Variants in WNK1 observed in about 807,000 individuals in gnomAD.
The protein encoded by WNK1 is WNK lysine deficient protein kinase 1.
Under a neutral mutation model 222.8 loss-of-function variants are expected in WNK1, and 38 were observed. The observed-to-expected ratio is 0.17, with a 90% CI of 0.13 to 0.22. The LOEUF (loss-of-function observed/expected upper bound fraction) is 0.22, where lower values mean the gene tolerates loss of function less well. Ranked by LOEUF, WNK1 falls within the 10% of genes least tolerant of loss-of-function variation. The pLI is 1.00. For missense variants in WNK1, 2,348 were observed against 2,918.4 expected (o/e 0.80, Z 4.50); for synonymous variants, 1,090 against 1,092.9 (o/e 1.00, Z 0.05).
At chr12:796,511 G>A (rs1198318724) in intron 1 of WNK1, among the ~76,000 whole-genome samples, 2 of 152,136 alleles carry the variant, frequency 1.3e-5, no homozygotes, top group African/African-American at 4.8e-5. Flanking sequence ...TGAAACCTCA[G>A]GTGATCCACC....
rs574680900 is a variant in WNK1, at chr12:825,079, A to G, written c.933-1963A>G. Among the ~76,000 whole-genome samples the G allele has an allele frequency of 3.9e-5, 6 of 152,308 alleles. No homozygotes were observed. In the East Asian group the frequency reaches 1.2e-3, roughly 29 times the overall value. ...CAGCATCAGGATAGAATAAATTATTATTGTACGATTGAATGAGTTTTGACA... is the reference window on the plus strand; with the variant it reads ...CAGCATCAGGATAGAATAAATTATTGTTGTACGATTGAATGAGTTTTGACA... On this transcript the variant is annotated intron_variant, in intron 2 of 27. Transcript: ENST00000315939.
rs1953545694 is a variant in WNK1, at chr12:885,231, C to G, written c.4427C>G (p.Ser1476Cys). The change falls in exon 19 of 28, where the codon TCT becomes TGT. Residue 1476 changes from serine (S) to cysteine (C), a missense_variant. This residue lies in a region of WNK1 where 1,144 missense variants were observed against 1,273.6 expected (regional missense o/e 0.90). Transcript: ENST00000315939. ...GGTCCTAAGCCTCCAGCTGTAGTAT[C>G]TCAGCAGGCAGCAGGCAGCACTACT... ...TPGPKPPAVV[S>C]QQAAGSTTVG... 1 of 1,614,084 alleles carries G rather than the reference C, an allele frequency of 6.2e-7. No homozygotes were observed. The highest frequency in any genetic ancestry group is 8.5e-7 in the Non-Finnish European group (1 of 1,180,040).
intron 16 of WNK1, 44 bp from the exon 17 acceptor site, chr12:883,730 A>C (rs1390773464): frequency 1.2e-6 from 2 of 1,611,778 alleles, no homozygotes; most frequent in African/African-American, 2.7e-5. Context: ...CTAGTCATTG[A>C]GATTGCATTT....
At position 759,585 on chromosome 12, in the gene WNK1, T is replaced by C. The variant is rs1180734713; in HGVS notation, c.759+5261T>C. 1.0e-4 allele frequency among the ~76,000 whole-genome samples: 15 copies of C among 147,870 alleles called. 2 individuals carry two copies. The highest frequency in any genetic ancestry group is 2.7e-4 in the Admixed American group (4 of 14,930). On this transcript the variant is annotated intron_variant, in intron 1 of 27. Transcript: ENST00000315939. ...ACCTCGTGATCTGCCCGCCTTGGCC[T>C]CCCAAAGTCCTGGGATTACAGGCTT...
Position 831,190 on chromosome 12 carries a change from A to G in WNK1, c.1311+1030A>G, listed in dbSNP as rs545918618. ...TACGTTGTTGTTTTCCAGAGGCTAT[A>G]TGATACTGCACATATGATATTGCAG... On this transcript the variant is annotated intron_variant, in intron 4 of 27. Coordinates refer to ENST00000315939, the MANE Select transcript of WNK1 (RefSeq NM_018979.4). Among the ~76,000 whole-genome samples the G allele has an allele frequency of 9.2e-5, 14 of 152,292 alleles. No individual in the cohort carries two copies. The South Asian group carries it at 2.7e-3, about 29-fold the overall frequency.
chr12:879,516 T>TTTTTTTTTTTTTTTTTTTTTTTTTC, intron 10 of WNK1, 57 bp from the exon 11 acceptor site: 2 of 491,352 alleles, frequency 4.1e-6, no homozygotes, highest in Non-Finnish European at 6.1e-6. Context: ...AGCCTTGCTT[T>TTTTTTTTTTTTTTTTTTTTTTTTTC]TTTTTTTTTT....
chr12:755,645 C>G (rs1939900617), intron 1 of WNK1, among the ~76,000 whole-genome samples: 1 of 151,742 alleles, frequency 6.6e-6, no homozygotes, highest in Non-Finnish European at 1.5e-5. Flanking sequence ...AAAACCTCGT[C>G]AAACGAAAAC....
chr12:788,006 A>C (rs1944476132), intron 1 of WNK1, among the ~76,000 whole-genome samples: 1 of 152,068 alleles, frequency 6.6e-6, no homozygotes, highest in Non-Finnish European at 1.5e-5. Flanking sequence ...CTTCTGGTTG[A>C]GCTGGCCATT....
In WNK1 at chr12:889,122, G is replaced by A. The variant is rs1327161901; in HGVS notation, c.5365-18G>A. 6.2e-7 allele frequency: 1 copy of A among 1,610,134 alleles called. No homozygotes were observed. The highest frequency in any genetic ancestry group is 8.5e-7 in the Non-Finnish European group (1 of 1,176,404). ...AAGGTGCCACGGAACTGTATTTACT[G>A]TGATTGTTTTCATTCAGTCCCAGCA... On this transcript the variant is annotated intron_variant, in intron 20 of 27. Coordinates refer to ENST00000315939, the MANE Select transcript of WNK1 (RefSeq NM_018979.4).
rs898447469 is a variant in WNK1, at chr12:892,843, G to C, written c.5510-1719G>C. ...CCACCAGTGACTTGGTACAGCCTCT[G>C]GGGGGATCAGTTTATAATAGTGATG... On this transcript the variant is annotated intron_variant, in intron 22 of 27. Coordinates refer to ENST00000315939, the MANE Select transcript of WNK1 (RefSeq NM_018979.4). 3.9e-5 allele frequency among the ~76,000 whole-genome samples: 6 copies of C among 152,258 alleles called. No homozygotes were observed. The East Asian group carries it at 5.8e-4, about 15-fold the overall frequency.
chr12:882,100 A>G (rs748807160), intron 14 of WNK1, 27 bp downstream of exon 14: 6 of 1,585,710 alleles, frequency 3.8e-6, no homozygotes, highest in Non-Finnish European at 5.2e-6. Context: ...TGTGAGTTTC[A>G]TGTTGTTAAA....
At chr12:799,590 G>A (rs1384384701) in intron 1 of WNK1, among the ~76,000 whole-genome samples, 3 of 152,078 alleles carry the variant, frequency 2.0e-5, no homozygotes, top group Non-Finnish European at 2.9e-5. Context: ...CCTTGTAATC[G>A]CAGCATTTTA....
chr12:859,551 C>T (rs565722534), intron 6 of WNK1, 87 bp downstream of exon 6: 54 of 997,940 alleles, frequency 5.4e-5, no homozygotes, highest in Admixed American at 4.6e-4. Context: ...GATGAAGTGC[C>T]GTGTGTGGCA....
At chr12:897,703 C>A in intron 25 of WNK1, 22 bp downstream of exon 25, 2 of 1,610,046 alleles carry the variant, frequency 1.2e-6, no homozygotes, top group South Asian at 2.2e-5. Flanking sequence ...TGGACTAGGT[C>A]AGCCACAGCT....
intron 1 of WNK1, among the ~76,000 whole-genome samples, chr12:800,235 T>C (rs1018249662): frequency 2.0e-5 from 3 of 152,120 alleles, no homozygotes; most frequent in Non-Finnish European, 2.9e-5. Context: ...TATCAAAAAA[T>C]CACAAAATCC....
chr12:831,418 A>G (rs1442999341), intron 4 of WNK1, among the ~76,000 whole-genome samples: 2 of 151,888 alleles, frequency 1.3e-5, no homozygotes, highest in African/African-American at 4.8e-5. Context: ...CACCCCTGTA[A>G]TCCTAGCTAC....
intron 26 of WNK1, among the ~76,000 whole-genome samples, chr12:907,045 C>T (rs1036256878): frequency 1.2e-4 from 1 of 8,186 alleles, no homozygotes; most frequent in Non-Finnish European, 4.2e-4. Context: ...AAAAGCCGGG[C>T]GTGGTGGCTC....
intron 1 of WNK1, among the ~76,000 whole-genome samples, chr12:805,170 A>G (rs535897794): frequency 6.6e-6 from 1 of 152,120 alleles, no homozygotes; most frequent in African/African-American, 2.4e-5. Flanking sequence ...TTGTATGGTA[A>G]TTCTGTGTTC....
intron 4 of WNK1, among the ~76,000 whole-genome samples, chr12:843,001 T>A (rs1178772458): frequency 6.6e-6 from 1 of 152,192 alleles, no homozygotes; most frequent in African/African-American, 2.4e-5. Context: ...AGTGGCATGA[T>A]CCCAGCTCAC....
Sources: allele counts gnomAD v4.1 joint callset (sites outside exome capture counted in the v4.1 genomes callset), GRCh38; gene constraint gnomAD v4.1.1; regional missense constraint gnomAD v4.1.1; transcripts MANE v1.5; gene names NCBI Gene and HGNC (gene_info 2026-07-23, HGNC 2026-07-21).